Variants in ADGRG6 observed in about 807,000 individuals in gnomAD.
ADGRG6 encodes the protein G-protein coupled receptor 126.
Under a neutral mutation model 142.4 loss-of-function variants are expected in ADGRG6, and 84 were observed. The observed-to-expected ratio is 0.59, with a 90% CI of 0.49 to 0.71. The LOEUF (loss-of-function observed/expected upper bound fraction) is 0.71. Ranked by LOEUF, ADGRG6 falls within the 30% of genes least tolerant of loss-of-function variation. The pLI is 0.00. For synonymous variants in ADGRG6, 521 were observed against 520.5 expected (o/e 1.00, Z -0.01); for missense variants, 1,367 against 1,466.6 (o/e 0.93, Z 1.11).
chr6:142,433,331 A>G (rs1777303991), intron 22 of ADGRG6, among the ~76,000 whole-genome samples: 1 of 152,188 alleles, frequency 6.6e-6, no homozygotes, highest in Non-Finnish European at 1.5e-5. Flanking sequence ...CTAGTAACCA[A>G]TTCGAATTAT....
At chr6:142,371,499 T>G (rs1781257892) in intron 4 of ADGRG6, among the ~76,000 whole-genome samples, 1 of 148,056 alleles carries the variant, frequency 6.8e-6, no homozygotes, top group African/African-American at 2.5e-5. Context: ...TTTTTTTTTT[T>G]TTGAGACAGA....
chr6:142,417,457 AT>A, intron 21 of ADGRG6, 88 bp downstream of exon 21: 1 of 677,042 alleles, frequency 1.5e-6, no homozygotes, highest in Non-Finnish European at 2.6e-6. Flanking sequence ...CAAGGCTTTC[AT>A]TTTAAAAGGT....
intron 21 of ADGRG6, among the ~76,000 whole-genome samples, chr6:142,418,468 A>G (rs1776482233): frequency 6.6e-6 from 1 of 152,104 alleles, no homozygotes; most frequent in South Asian, 2.1e-4. Flanking sequence ...TTTTAGAAGA[A>G]CTTCTGTGTG....
chr6:142,302,692 C>A (rs1477984540), intron 1 of ADGRG6: 1 of 285,762 alleles, frequency 3.5e-6, no homozygotes, highest in East Asian at 6.1e-5. Context: ...AGAGGCCTGG[C>A]CCTGCCAAGA....
At chr6:142,321,713 G>A (rs916727626) in intron 2 of ADGRG6, among the ~76,000 whole-genome samples, 1 of 152,014 alleles carries the variant, frequency 6.6e-6, no homozygotes, top group Non-Finnish European at 1.5e-5. Flanking sequence ...AGGAGATATG[G>A]TAAGATTCTC....
chr6:142,367,485 T>G, intron 2 of ADGRG6, 84 bp from the exon 3 acceptor site: 1 of 826,504 alleles, frequency 1.2e-6, no homozygotes, highest in Non-Finnish European at 1.9e-6. Context: ...ACTGCTTGAT[T>G]GTCGCCAGTG....
intron 22 of ADGRG6, among the ~76,000 whole-genome samples, chr6:142,424,679 G>T (rs561920142): frequency 1.8e-4 from 28 of 151,748 alleles, no homozygotes; most frequent in African/African-American, 5.6e-4. Context: ...AATGATGCTG[G>T]CCTCATAAAA....
rs757456808 is a variant in ADGRG6, at chr6:142,438,246, A to G, written c.3456A>G (p.Lys1152=). ...AGACAGCTACCAATATCATCAAGAA[A>G]AGTTCTGATAATCTAGGAAAATCTT... is the stretch of plus-strand genomic sequence containing the variant. ...WSKTATNIIK[K]SSDNLGKSLS... The change falls in exon 24 of 25, where the codon AAA becomes AAG. Residue 1152 remains lysine (K), a synonymous_variant. Coordinates refer to ENST00000367609, the MANE Select transcript of ADGRG6 (RefSeq NM_198569.3). 1.6e-5 allele frequency: 25 copies of G among 1,604,386 alleles called. No homozygotes were observed. Among genetic ancestry groups the G allele is most frequent in the African/African-American group, 9.4e-5 (7 of 74,594 alleles).
intron 22 of ADGRG6, among the ~76,000 whole-genome samples, chr6:142,429,019 A>T (rs1244115563): frequency 6.6e-6 from 1 of 152,084 alleles, no homozygotes. Flanking sequence ...GAAATTTTAA[A>T]TTTTTTCTGA....
At position 142,302,149 on chromosome 6, in the gene ADGRG6, G is replaced by A; in HGVS notation, c.-181G>A. ...CTGCGCTGAACGCTGCCGCGCCCAG[G>A]GTTCACCTTGCGCCGTCGGGAAAGC... is the stretch of plus-strand genomic sequence containing the variant. On this transcript the variant is annotated 5_prime_UTR_variant, in exon 1 of 25. Transcript: ENST00000367609. The A allele has an allele frequency of 1.6e-6, 1 of 628,232 alleles. No individual in the cohort carries two copies. Among genetic ancestry groups the A allele is most frequent in the Non-Finnish European group, 2.7e-6 (1 of 368,794 alleles). The allele number at this position is 628,232 out of a possible 1,614,324, so 38.9% of individuals were successfully genotyped here.
intron 22 of ADGRG6, among the ~76,000 whole-genome samples, chr6:142,423,862 G>T (rs1180294961): frequency 4.2e-5 from 6 of 141,734 alleles, no homozygotes; most frequent in Non-Finnish European, 7.6e-5. Context: ...GTGGTTTGTA[G>T]TTCTCCTTGA....
At chr6:142,429,962 G>A (rs747405958) in intron 22 of ADGRG6, among the ~76,000 whole-genome samples, 32 of 152,200 alleles carry the variant, frequency 2.1e-4, no homozygotes, top group South Asian at 1.2e-3. Context: ...GAGGCAAAAC[G>A]ATTGCTTGAG....
chr6:142,308,075 C>G (rs1777591145), intron 1 of ADGRG6, among the ~76,000 whole-genome samples: 1 of 151,902 alleles, frequency 6.6e-6, no homozygotes, highest in South Asian at 2.1e-4. Flanking sequence ...TGAGTCTTTT[C>G]CTTTGATTTC....
Position 142,302,010 on chromosome 6 carries a change from G to T in ADGRG6, c.-320G>T, listed in dbSNP as rs1178982814. 2.7e-5 allele frequency: 11 copies of T among 408,620 alleles called. No individual in the cohort carries two copies. The East Asian group carries it at 4.0e-4, about 15-fold the overall frequency. 25.3% of individuals were successfully genotyped at this position (408,620 alleles called of 1,614,324 possible). A position where few individuals can be genotyped will look rare whatever the true frequency, so the allele number is the denominator to read the frequency against. On this transcript the variant is annotated 5_prime_UTR_variant, in exon 1 of 25. Transcript: ENST00000367609. Reference sequence around the variant, plus strand: ...GCGACGCGCACCCCTGCCTGGCCCGGTCTCCTCAGCACCAGCCCCACGCAC... The same window carrying T: ...GCGACGCGCACCCCTGCCTGGCCCGTTCTCCTCAGCACCAGCCCCACGCAC...
chr6:142,359,832 G>A (rs967729226), intron 2 of ADGRG6, among the ~76,000 whole-genome samples: 2 of 152,186 alleles, frequency 1.3e-5, no homozygotes, highest in African/African-American at 4.8e-5. Flanking sequence ...AAGGAGTGCT[G>A]TATATGTCAG....
At chr6:142,376,694 T>C (rs550982267) in intron 4 of ADGRG6, among the ~76,000 whole-genome samples, 2 of 152,322 alleles carry the variant, frequency 1.3e-5, no homozygotes, top group East Asian at 3.9e-4. Flanking sequence ...TAAATCATTT[T>C]ATCTTTGCAA....
intron 22 of ADGRG6, among the ~76,000 whole-genome samples, chr6:142,433,902 A>G (rs1465063672): frequency 6.6e-6 from 1 of 152,128 alleles, no homozygotes; most frequent in East Asian, 1.9e-4. Context: ...ACAAAACATT[A>G]GTTAGATGTG....
In ADGRG6 at chr6:142,309,623, A is replaced by G. The variant is rs1409048319; in HGVS notation, c.82A>G (p.Ile28Val). 6 of 1,601,674 alleles carry G rather than the reference A, an allele frequency of 3.7e-6. No homozygotes were observed. Among genetic ancestry groups the G allele is most frequent in the South Asian group, 2.2e-5 (2 of 89,148 alleles). The change falls in exon 2 of 25, where the codon ATC becomes GTC. Residue 28 changes from isoleucine (I) to valine (V), a missense_variant. Around this residue, in one of 3 missense-constraint regions of ADGRG6, gnomAD observed 737 missense variants for 746.5 expected, o/e 0.99. Coordinates refer to ENST00000367609, the MANE Select transcript of ADGRG6 (RefSeq NM_198569.3). ...TCTCCTGTTCTTATTTGCTTTATAT[A>G]TCATGTGTGTTCCTCACTCAGGTAA... ...SPLLFLFALY[I>V]MCVPHSVWGC...
intron 2 of ADGRG6, among the ~76,000 whole-genome samples, chr6:142,356,407 G>A (rs973425311): frequency 2.0e-5 from 3 of 152,156 alleles, no homozygotes; most frequent in Admixed American, 6.5e-5. Flanking sequence ...GATGTTTGCC[G>A]ACCATTAGCT....
Sources: gnomAD v4.1 joint callset for allele counts (sites outside exome capture counted in the v4.1 genomes callset) on GRCh38, gnomAD v4.1.1 for gene constraint, gnomAD v4.1.1 regional missense constraint, MANE v1.5 for transcripts, NCBI Gene and HGNC (gene_info 2026-07-23, HGNC 2026-07-21) for gene names.